CYTH3: variants seen among roughly 807,000 people sequenced by gnomAD.
CYTH3 encodes the protein cytohesin-3.
A neutral mutation model predicts 55.1 loss-of-function variants in CYTH3; 23 were observed. That is an observed-to-expected ratio of 0.42 (90% CI 0.30 to 0.59). CYTH3 has a LOEUF of 0.59. Among genes scored for constraint, CYTH3 ranks in the 20% least tolerant of loss-of-function variants. The probability of loss-of-function intolerance (pLI) is 0.20; values close to 1 mark genes in which losing one functional copy is unlikely to be tolerated. For synonymous variants in CYTH3, 249 were observed against 194.9 expected (o/e 1.28, Z -2.31); for missense variants, 413 against 524.8 (o/e 0.79, Z 2.08).
rs1783203930 is a variant in CYTH3, at chr7:6,171,752, C to CT, written c.450-439dup. The stretch of plus-strand genomic sequence containing the variant: ...CACAGGACGGTATCCAAAGCCCCAC[C>CT]TACAGCACTGGGCGCTGCGGTCAGA... On this transcript the variant is annotated intron_variant, in intron 6 of 12. Transcript: ENST00000350796. This position sits in a 1 kb window ranked among gnomAD's most constrained non-coding sequence, Gnocchi z 6.7. 4 of 190,152 alleles carry CT rather than the reference C, an allele frequency of 2.1e-5. No individual in the cohort carries two copies. The highest frequency in any genetic ancestry group is 9.2e-5 in the African/African-American group (4 of 43,618). 11.8% of individuals were successfully genotyped at this position (190,152 alleles called of 1,614,324 possible).
In CYTH3 at chr7:6,272,617, C is replaced by A; in HGVS notation, c.-110G>T. 1.2e-6 allele frequency: 1 copy of A among 806,362 alleles called. No individual in the cohort carries two copies. Among genetic ancestry groups the A allele is most frequent in the Non-Finnish European group, 1.5e-6 (1 of 655,134 alleles). 50.0% of individuals were successfully genotyped at this position (806,362 alleles called of 1,614,324 possible). ...GGCGACCGGGCGGCTCCTCAGCGCG[C>A]GGCCCGGGTCGCGGCCGGGCCTCCT... On this transcript the variant is annotated 5_prime_UTR_variant, in exon 1 of 13. Transcript: ENST00000350796.
rs530306538 is a variant in CYTH3 at position 6,252,231 on chromosome 7, G to A, written c.34+20243C>T. ...AACTGGCTTTCTTTCACAGATCCTT[G>A]CTATCTCTATACCAGCATGAACATG... is the stretch of plus-strand genomic sequence containing the variant. On this transcript the variant is annotated intron_variant, in intron 1 of 12. Transcript: ENST00000350796. 5.1e-4 allele frequency among the ~76,000 whole-genome samples: 77 copies of A among 152,228 alleles called. No individual in the cohort carries two copies. In the South Asian group the frequency reaches 0.015, roughly 30 times the overall value.
intron 2 of CYTH3, among the ~76,000 whole-genome samples, 161 bp from the exon 3 acceptor site, chr7:6,187,882 T>C (rs563668182): frequency 2.9e-4 from 44 of 152,310 alleles, no homozygotes; most frequent in South Asian, 4.1e-4. Flanking sequence ...TAGAGCTTCA[T>C]AGTCAAAGCC....
Position 6,185,411 on chromosome 7 carries a change from C to T in CYTH3, c.249+1639G>A, listed in dbSNP as rs185007287. On this transcript the variant is annotated intron_variant, in intron 4 of 12. Coordinates refer to ENST00000350796, the MANE Select transcript of CYTH3 (RefSeq NM_004227.4). ...GACCAGCCTGGCCAACGTGGTGAAA[C>T]TGGGCCGGGTGCACTGGGCTCACGC... is the stretch of plus-strand genomic sequence containing the variant. 2.3e-3 allele frequency among the ~76,000 whole-genome samples: 347 copies of T among 151,220 alleles called. 3 individuals are homozygous for T. Among genetic ancestry groups the T allele is most frequent in the African/African-American group, 8.4e-3 (343 of 40,758 alleles).
chr7:6,237,939 C>T (rs761210832), intron 1 of CYTH3, among the ~76,000 whole-genome samples: 6 of 152,172 alleles, frequency 3.9e-5, no homozygotes, highest in African/African-American at 7.2e-5. Flanking sequence ...TCCTATAATG[C>T]TAGAATCTGG....
chr7:6,202,215 CA>C (rs760193961), intron 1 of CYTH3, among the ~76,000 whole-genome samples: 29 of 152,154 alleles, frequency 1.9e-4, no homozygotes, highest in Admixed American at 1.4e-3. Flanking sequence ...CCTGGGCCAG[CA>C]ACCTTGAAAA....
intron 1 of CYTH3, among the ~76,000 whole-genome samples, chr7:6,220,130 C>G (rs971576663): frequency 9.2e-5 from 14 of 152,184 alleles, no homozygotes; most frequent in Admixed American, 4.6e-4. Flanking sequence ...CTCCTGACCT[C>G]AAGTGATCTG....
intron 1 of CYTH3, among the ~76,000 whole-genome samples, chr7:6,220,250 T>C (rs928979026): frequency 6.6e-6 from 1 of 152,118 alleles, no homozygotes; most frequent in Non-Finnish European, 1.5e-5. Context: ...AGAACAGATA[T>C]TCTTTTCAAT....
At chr7:6,205,816 G>C (rs771293629) in intron 1 of CYTH3, among the ~76,000 whole-genome samples, 12 of 134,878 alleles carry the variant, frequency 8.9e-5, no homozygotes, top group Non-Finnish European at 1.5e-4. Context: ...TGAGGCTGCA[G>C]TGAGCTATGA....
At chr7:6,237,544 C>T (rs994159392) in intron 1 of CYTH3, among the ~76,000 whole-genome samples, 5 of 151,864 alleles carry the variant, frequency 3.3e-5, no homozygotes, top group Admixed American at 1.3e-4. Flanking sequence ...CCCGTCTCTA[C>T]GAAAAATACA....
chr7:6,187,187 T>C, intron 3 of CYTH3, 71 bp from the exon 4 acceptor site: 2 of 1,503,744 alleles, frequency 1.3e-6, no homozygotes, highest in Non-Finnish European at 1.9e-6. Flanking sequence ...GGCCCTCCAG[T>C]GTACTTTCCC....
intron 1 of CYTH3, among the ~76,000 whole-genome samples, chr7:6,227,893 G>C (rs1779295164): frequency 6.6e-6 from 1 of 152,162 alleles, no homozygotes. Flanking sequence ...GGGTATACAA[G>C]TGCTCACTTT....
chr7:6,258,426 G>A (rs528342856), intron 1 of CYTH3, among the ~76,000 whole-genome samples: 3 of 152,298 alleles, frequency 2.0e-5, no homozygotes, highest in African/African-American at 7.2e-5. Flanking sequence ...CCAGACTTGG[G>A]TGACACTTTC....
chr7:6,266,489 C>G (rs576223412), intron 1 of CYTH3, among the ~76,000 whole-genome samples: 3 of 152,318 alleles, frequency 2.0e-5, no homozygotes, highest in African/African-American at 7.2e-5. Flanking sequence ...TCAGCGGCTT[C>G]ATGTACTTAG....
At chr7:6,236,057 A>T (rs541303689) in intron 1 of CYTH3, among the ~76,000 whole-genome samples, 22 of 152,356 alleles carry the variant, frequency 1.4e-4, no homozygotes, top group Admixed American at 1.4e-3. Flanking sequence ...TAAGAGCTTC[A>T]GCAAACCTGA....
chr7:6,176,428 A>AT (rs542600471), intron 5 of CYTH3, among the ~76,000 whole-genome samples: 123 of 151,512 alleles, frequency 8.1e-4, no homozygotes, highest in African/African-American at 2.9e-3. Context: ...CACCCAGCCA[A>AT]TTTTTTGTGT....
chr7:6,260,274 C>G (rs1227739845), intron 1 of CYTH3, among the ~76,000 whole-genome samples: 1 of 152,152 alleles, frequency 6.6e-6, no homozygotes, highest in East Asian at 1.9e-4. Flanking sequence ...TTTCTTAAAA[C>G]TATATCTACC....
chr7:6,207,155 C>T (rs903226793), intron 1 of CYTH3, among the ~76,000 whole-genome samples: 24 of 127,848 alleles, frequency 1.9e-4, no homozygotes, highest in Non-Finnish European at 2.8e-4. Flanking sequence ...AGTGCAGTGG[C>T]GCGATCTTGG....
rs71523777 is a variant in CYTH3, at chr7:6,259,784, A to AATATAT, written c.34+12684_34+12689dup. 7.6e-3 allele frequency among the ~76,000 whole-genome samples: 158 copies of AATATAT among 20,870 alleles called. 1 individual carries two copies. The highest frequency in any genetic ancestry group is 9.6e-3 in the Non-Finnish European group (147 of 15,276). 13.7% of individuals were successfully genotyped at this position (20,870 alleles called of 152,430 possible). A position where few individuals can be genotyped will look rare whatever the true frequency, so the allele number is the denominator to read the frequency against. ...ATATATATATATATTATATATATAT[A>AATATAT]ATATATATATATATATATATATATA... On this transcript the variant is annotated intron_variant, in intron 1 of 12. Coordinates refer to ENST00000350796, the MANE Select transcript of CYTH3 (RefSeq NM_004227.4).
Sources: allele counts gnomAD v4.1 joint callset (sites outside exome capture counted in the v4.1 genomes callset), GRCh38; gene constraint gnomAD v4.1.1; non-coding constraint Gnocchi (gnomAD v3.1); transcripts MANE v1.5; gene names NCBI Gene and HGNC (gene_info 2026-07-23, HGNC 2026-07-21).